The following MTNAP1 variants were observed in gnomAD, a reference collection of about 807,000 sequenced individuals.
MTNAP1 encodes mitochondrial nucleoid-associated protein 1.
At chr17:73,248,320 T>C in the MTNAP1 span, 1 of 630,446 alleles carries the variant, frequency 1.6e-6, no homozygotes. Context: ...GCGGGGTAAC[T>C]ACTCATCTCT....
chr17:73,243,098 T>TG, the MTNAP1 span: 14 of 921,928 alleles, frequency 1.5e-5, no homozygotes, highest in Non-Finnish European at 2.1e-5. Context: ...TTTTTTTTTT[T>TG]TTTACAGCTT....
the MTNAP1 span, among the ~76,000 whole-genome samples, chr17:73,241,375 G>T: frequency 1.5e-4 from 23 of 151,974 alleles, no homozygotes; most frequent in South Asian, 4.8e-3. Context: ...AGCCAGGATG[G>T]TCTCAATCTC....
At chr17:73,248,681 G>T in the MTNAP1 span, 1 of 839,490 alleles carries the variant, frequency 1.2e-6, no homozygotes, top group Non-Finnish European at 1.9e-6. Flanking sequence ...GTTACTACAA[G>T]TTGGGAATAT....
At chr17:73,235,599 A>G in the MTNAP1 span, 15 of 1,614,210 alleles carry the variant, frequency 9.3e-6, no homozygotes, top group East Asian at 2.2e-4. Flanking sequence ...CTACTGATCA[A>G]AAAGTTTATC....
chr17:73,245,145 C>A, the MTNAP1 span: 4 of 1,613,008 alleles, frequency 2.5e-6, no homozygotes, highest in Non-Finnish European at 2.5e-6. Context: ...CGGATCCTTA[C>A]ATTTGTCTCT....
the MTNAP1 span, among the ~76,000 whole-genome samples, chr17:73,246,147 T>C: frequency 1.3e-5 from 2 of 152,204 alleles, no homozygotes; most frequent in African/African-American, 4.8e-5. Context: ...TAGTTATATA[T>C]CACACGCACA....
At chr17:73,243,093 T>TTTTGGTTTTTTTTTG in the MTNAP1 span, 270 of 991,294 alleles carry the variant, frequency 2.7e-4, no homozygotes, top group African/African-American at 4.0e-3. Context: ...TTTTTTTTTT[T>TTTTGGTTTTTTTTTG]TTTTTTTTAC....
the MTNAP1 span, among the ~76,000 whole-genome samples, chr17:73,234,441 C>T: frequency 7.8e-6 from 1 of 128,976 alleles, no homozygotes; most frequent in Non-Finnish European, 1.7e-5. Context: ...CCTGTAATCC[C>T]AGCACACTGG....
At chr17:73,236,769 G>C in the MTNAP1 span, 1 of 1,614,138 alleles carries the variant, frequency 6.2e-7, no homozygotes, top group Non-Finnish European at 8.5e-7. Flanking sequence ...CTGGGTGCCA[G>C]AGCCCTTTAT....
At chr17:73,235,868 T>A in the MTNAP1 span, 1 of 1,613,938 alleles carries the variant, frequency 6.2e-7, no homozygotes, top group Non-Finnish European at 8.5e-7. Flanking sequence ...ACTAAACCAA[T>A]GACTACTTTC....
the MTNAP1 span, chr17:73,235,566 TAAG>T: frequency 6.2e-7 from 1 of 1,614,110 alleles, no homozygotes; most frequent in Middle Eastern, 1.6e-4. Flanking sequence ...TGCCATACTG[TAAG>T]ATGATAGGAC....
chr17:73,235,873 A>C, the MTNAP1 span: 10 of 1,613,994 alleles, frequency 6.2e-6, no homozygotes, highest in East Asian at 6.7e-5. Flanking sequence ...ACCAATGACT[A>C]CTTTCCAAGA....
chr17:73,236,579 A>G, the MTNAP1 span: 1 of 1,614,228 alleles, frequency 6.2e-7, no homozygotes, highest in Non-Finnish European at 8.5e-7. Flanking sequence ...TACCAGTTTC[A>G]TTCTGTATCG....
chr17:73,235,938 TG>T, the MTNAP1 span: 3 of 1,614,202 alleles, frequency 1.9e-6, no homozygotes, highest in Non-Finnish European at 2.5e-6. Context: ...AAAGAGAACT[TG>T]CCAAAGATTT....
the MTNAP1 span, chr17:73,233,170 T>G: frequency 6.6e-6 from 1 of 152,254 alleles, no homozygotes; most frequent in Non-Finnish European, 1.5e-5. Flanking sequence ...GTGCCGCGTT[T>G]ACTCACTGTG....
the MTNAP1 span, chr17:73,236,608 C>T: frequency 3.7e-6 from 6 of 1,614,194 alleles, no homozygotes; most frequent in South Asian, 6.6e-5. Flanking sequence ...TAGTCAAAGT[C>T]TTGCCTCTCT....
chr17:73,243,275 C>A, the MTNAP1 span: 1 of 421,012 alleles, frequency 2.4e-6, no homozygotes. Flanking sequence ...CTGCCTCAGC[C>A]TCTCGAGTAG....
the MTNAP1 span, among the ~76,000 whole-genome samples, chr17:73,244,290 C>T: frequency 1.1e-4 from 17 of 152,102 alleles, no homozygotes; most frequent in African/African-American, 2.4e-4. Context: ...GGGCCGGGCG[C>T]GGTGGCTCAC....
chr17:73,235,842 C>G, the MTNAP1 span: 1 of 1,614,094 alleles, frequency 6.2e-7, no homozygotes, highest in Non-Finnish European at 8.5e-7. Flanking sequence ...AACCATCCTT[C>G]AAAATGTTAA....
Sources: gnomAD v4.1 joint callset for allele counts (sites outside exome capture counted in the v4.1 genomes callset) on GRCh38, gnomAD v4.1.1 for gene constraint, MANE v1.5 for transcripts, NCBI Gene and HGNC (gene_info 2026-07-23, HGNC 2026-07-21) for gene names.